The following ZNRF1 variants were observed in gnomAD, a reference collection of about 807,000 sequenced individuals.
ZNRF1 encodes the protein E3 ubiquitin-protein ligase ZNRF1.
Under a neutral mutation model 18.4 loss-of-function variants are expected in ZNRF1, and 3 were observed. The observed-to-expected ratio is 0.16, with a 90% CI of 0.07 to 0.42. The LOEUF (loss-of-function observed/expected upper bound fraction) is 0.42. Among genes scored for constraint, ZNRF1 ranks in the 10% least tolerant of loss-of-function variants. The pLI, the probability that ZNRF1 is intolerant of heterozygous loss-of-function variation, is 0.99. For synonymous variants in ZNRF1, 157 were observed against 144.2 expected (o/e 1.09, Z -0.64); for missense variants, 310 against 329.8 (o/e 0.94, Z 0.47).
chr16:75,094,961 C>T (rs369540368), intron 2 of ZNRF1, among the ~76,000 whole-genome samples: 166 of 152,252 alleles, frequency 1.1e-3, no homozygotes, highest in African/African-American at 3.8e-3. Flanking sequence ...ACCAGCCCAG[C>T]GAGAATGTTT....
At chr16:75,009,995 T>C (rs2034972797) in intron 1 of ZNRF1, among the ~76,000 whole-genome samples, 1 of 152,136 alleles carries the variant, frequency 6.6e-6, no homozygotes, top group African/African-American at 2.4e-5. Context: ...TCTTTTCTTT[T>C]CTTTTGATAC....
chr16:75,079,956 C>A (rs956194523), intron 1 of ZNRF1, among the ~76,000 whole-genome samples: 3 of 152,228 alleles, frequency 2.0e-5, no homozygotes, highest in Non-Finnish European at 2.9e-5. Flanking sequence ...CACTCTGCCG[C>A]TCAGGCTGGA....
At chr16:75,013,393 C>G (rs1273548669) in intron 1 of ZNRF1, among the ~76,000 whole-genome samples, 1 of 151,430 alleles carries the variant, frequency 6.6e-6, no homozygotes, top group Non-Finnish European at 1.5e-5. Flanking sequence ...TGTCGCCAGG[C>G]TGGAGTGCAG....
intron 1 of ZNRF1, among the ~76,000 whole-genome samples, chr16:75,061,945 G>A (rs367818110): frequency 7.2e-5 from 11 of 152,330 alleles, no homozygotes; most frequent in African/African-American, 2.6e-4. Flanking sequence ...AGAGCCTGCT[G>A]CCGAGACAGT....
intron 1 of ZNRF1, among the ~76,000 whole-genome samples, chr16:75,051,106 C>T (rs2035596863): frequency 6.6e-6 from 1 of 151,314 alleles, no homozygotes; most frequent in Non-Finnish European, 1.5e-5. Context: ...GAGGCTGAGG[C>T]AGTAGGCCCA....
At chr16:75,107,584 T>C (rs2036332978) in intron 4 of ZNRF1, 149 bp from the exon 5 acceptor site, 1 of 396,428 alleles carries the variant, frequency 2.5e-6, no homozygotes, top group South Asian at 1.8e-5. Context: ...CCCAGGCACA[T>C]GGCTGCAAAT....
intron 1 of ZNRF1, among the ~76,000 whole-genome samples, chr16:75,091,532 CTTTTT>C (rs577306133): frequency 1.5e-5 from 2 of 129,126 alleles, no homozygotes; most frequent in African/African-American, 5.6e-5. Flanking sequence ...CTGCATATAA[CTTTTT>C]TTTTTTTTTT....
intron 1 of ZNRF1, among the ~76,000 whole-genome samples, chr16:75,045,262 A>G (rs1383907371): frequency 6.6e-6 from 1 of 152,216 alleles, no homozygotes; most frequent in African/African-American, 2.4e-5. Context: ...AAACCTAGTA[A>G]CAGACCTAAA....
intron 1 of ZNRF1, among the ~76,000 whole-genome samples, chr16:75,005,725 C>A (rs1035488860): frequency 2.6e-5 from 4 of 152,114 alleles, no homozygotes; most frequent in Non-Finnish European, 5.9e-5. Flanking sequence ...AAAAGCTCGA[C>A]AGCAGTAACT....
chr16:75,070,320 G>A (rs972116390), intron 1 of ZNRF1, among the ~76,000 whole-genome samples: 7 of 152,100 alleles, frequency 4.6e-5, no homozygotes, highest in African/African-American at 1.7e-4. Context: ...ACTCCCCACT[G>A]CTCTGCAAGC....
chr16:75,016,340 G>A (rs766274104), intron 1 of ZNRF1, among the ~76,000 whole-genome samples: 10 of 148,214 alleles, frequency 6.7e-5, no homozygotes, highest in Non-Finnish European at 1.5e-4. Context: ...CCGGGTTCAA[G>A]CAATTCTCCC....
intron 1 of ZNRF1, among the ~76,000 whole-genome samples, chr16:75,028,324 T>G (rs2035253145): frequency 2.0e-5 from 3 of 152,236 alleles, no homozygotes; most frequent in African/African-American, 7.2e-5. Flanking sequence ...AGACGGAGTT[T>G]CACTCGACGC....
At chr16:75,091,499 C>A (rs2036139437) in intron 1 of ZNRF1, among the ~76,000 whole-genome samples, 1 of 151,388 alleles carries the variant, frequency 6.6e-6, no homozygotes, top group South Asian at 2.1e-4. Context: ...GTGGGAGACT[C>A]TGACCCCCAC....
In ZNRF1 at chr16:75,073,152, CTG is replaced by C. The variant is rs1555513180; in HGVS notation, c.425-20418_425-20417del. Among the ~76,000 whole-genome samples, 19 of 136,788 alleles carry C rather than the reference CTG, an allele frequency of 1.4e-4. 1 individual carries two copies. The East Asian group carries it at 3.4e-3, about 25-fold the overall frequency. The allele number at this position is 136,788 out of a possible 152,430, so 89.7% of individuals were successfully genotyped here. On this transcript the variant is annotated intron_variant, in intron 1 of 4. Coordinates refer to ENST00000335325, the MANE Select transcript of ZNRF1 (RefSeq NM_032268.5). ...TCTCTCTCTCTCTCTCTCTCTCTCTCTGTCTCTCTGTCTATATATATGTATAT... is the reference window on the plus strand; with the variant it reads ...TCTCTCTCTCTCTCTCTCTCTCTCTCTCTCTCTGTCTATATATATGTATAT...
chr16:75,028,859 G>C (rs1567470965), intron 1 of ZNRF1, among the ~76,000 whole-genome samples: 1 of 152,216 alleles, frequency 6.6e-6, no homozygotes, highest in Non-Finnish European at 1.5e-5. Context: ...ACTGCTTCTA[G>C]AATACGATGC....
chr16:75,024,496 G>C (rs1212358456), intron 1 of ZNRF1, among the ~76,000 whole-genome samples: 1 of 152,230 alleles, frequency 6.6e-6, no homozygotes, highest in East Asian at 1.9e-4. Context: ...TGTTGGAAAA[G>C]AGTTGGGTTA....
At chr16:75,106,414 G>A in intron 3 of ZNRF1, 68 bp from the exon 4 acceptor site, 1 of 1,576,840 alleles carries the variant, frequency 6.3e-7, no homozygotes, top group Non-Finnish European at 8.7e-7. Context: ...CTGGCCCTCT[G>A]AAAGAGCCCC....
intron 2 of ZNRF1, among the ~76,000 whole-genome samples, chr16:75,102,766 G>A (rs1015844047): frequency 7.2e-5 from 11 of 152,264 alleles, no homozygotes; most frequent in South Asian, 4.1e-4. Flanking sequence ...TCAGCTGGCC[G>A]GGCCTCCTCC....
intron 1 of ZNRF1, among the ~76,000 whole-genome samples, chr16:75,077,323 G>A (rs927146676): frequency 2.6e-5 from 4 of 152,156 alleles, no homozygotes; most frequent in Admixed American, 1.3e-4. Flanking sequence ...ACCTGAGGTC[G>A]GGAGTTTGAG....
Sources: gnomAD v4.1 joint callset for allele counts (sites outside exome capture counted in the v4.1 genomes callset) on GRCh38, gnomAD v4.1.1 for gene constraint, MANE v1.5 for transcripts, NCBI Gene and HGNC (gene_info 2026-07-23, HGNC 2026-07-21) for gene names.